Variants in TULP2 observed in about 807,000 individuals in gnomAD.
TULP2 encodes the protein TUB like protein 2, also known as tubby-related protein 2.
Under a neutral mutation model 60.3 loss-of-function variants are expected in TULP2, and 64 were observed. The ratio of observed to expected loss-of-function variants is 1.06; its 90% CI spans 0.87 to 1.31. The LOEUF (loss-of-function observed/expected upper bound fraction) is 1.31. TULP2 is among the 50% of genes most tolerant of loss of function. TULP2 has a pLI of 0.00. For missense variants in TULP2, 652 were observed against 667.0 expected (o/e 0.98, Z 0.25); for synonymous variants, 267 against 265.4 (o/e 1.01, Z -0.06).
chr19:48,897,252 G>T lies in TULP2; in HGVS notation c.84+93C>A. On this transcript the variant is annotated intron_variant, in intron 3 of 12. Transcript: ENST00000221399. This position sits in a 1 kb window ranked among gnomAD's most constrained non-coding sequence, Gnocchi z 4.0. ...CAAGGATGAGAGACAGCCAACACGG[G>T]CTGGGAGTCCTAGAGCAAGACCTGG... is the stretch of plus-strand genomic sequence containing the variant. 1 of 1,375,944 alleles carries T rather than the reference G, an allele frequency of 7.3e-7. No homozygotes were observed. Among genetic ancestry groups the T allele is most frequent in the Non-Finnish European group, 1.0e-6 (1 of 979,102 alleles). 85.2% of individuals were successfully genotyped at this position (1,375,944 alleles called of 1,614,324 possible). A position where few individuals can be genotyped will look rare whatever the true frequency, so the allele number is the denominator to read the frequency against.
chr19:48,896,612 G>A, intron 3 of TULP2, 56 bp from the exon 4 acceptor site: 1 of 1,525,454 alleles, frequency 6.6e-7, no homozygotes, highest in Non-Finnish European at 8.8e-7. Context: ...GAAGACAGAA[G>A]TGAGGTGGGG....
At chr19:48,891,657 G>A (rs1438696843) in intron 6 of TULP2, among the ~76,000 whole-genome samples, 3 of 152,168 alleles carry the variant, frequency 2.0e-5, no homozygotes, top group Non-Finnish European at 2.9e-5. Flanking sequence ...AGGTGGAGAC[G>A]AGCGGCTGAG....
intron 9 of TULP2, 93 bp from the exon 10 acceptor site, chr19:48,884,139 CTA>C: frequency 9.7e-7 from 1 of 1,032,752 alleles, no homozygotes; most frequent in Non-Finnish European, 1.5e-6. Context: ...CATCAATCCC[CTA>C]TGTCTAAGAC....
At chr19:48,892,341 T>C (rs2037240635) in intron 6 of TULP2, among the ~76,000 whole-genome samples, 1 of 152,202 alleles carries the variant, frequency 6.6e-6, no homozygotes, top group African/African-American at 2.4e-5. Context: ...AGAATGGCAA[T>C]GACTTTCACA....
Position 48,888,218 on chromosome 19 carries a change from C to A in TULP2, c.680G>T (p.Gly227Val). Residue 227 changes from glycine (G) to valine (V), a missense_variant, in exon 8 of 13, where the codon GGG becomes GTG. Physicochemically the swap from Gly to Val is moderately radical, Grantham distance 109. Transcript: ENST00000221399. ...EKKREASEST[G>V]TNSSAAHNEE... is the part of the protein sequence containing the mutation. ...GTTGTGTGCTGCTGAGGAGTTCGTC[C>A]CTGTAGACTCAGAGGCCTCTCTCTT... is the stretch of plus-strand genomic sequence containing the variant. The A allele has an allele frequency of 1.2e-6, 2 of 1,607,204 alleles. No individual in the cohort carries two copies. The highest frequency in any genetic ancestry group is 1.7e-6 in the Non-Finnish European group (2 of 1,174,390).
At chr19:48,887,755 A>C (rs1189730626) in intron 8 of TULP2, among the ~76,000 whole-genome samples, 195 bp downstream of exon 8, 1 of 151,844 alleles carries the variant, frequency 6.6e-6, no homozygotes, top group African/African-American at 2.4e-5. Flanking sequence ...ACGGGGTTTC[A>C]CCATATTGGT....
rs778342397 is a variant in TULP2 at position 48,895,465 on chromosome 19, C to T, written c.250G>A (p.Ala84Thr). The T allele has an allele frequency of 1.9e-6, 3 of 1,611,818 alleles. 1 individual carries two copies. In the South Asian group the frequency reaches 3.3e-5, roughly 18 times the overall value. Reference protein sequence around the residue: ...NPFLRKKVSEAHLPSGIHSAL... With the variant: ...NPFLRKKVSETHLPSGIHSAL... ...CTGTGGATGCCAGAGGGCAGATGTG[C>T]CTCTGACACTTTCTTCCGGAGGAAA... Residue 84 changes from alanine to threonine, a missense_variant, in exon 5 of 13, where the codon GCA (alanine) becomes ACA (threonine). Ala to Thr is a moderately conservative substitution (Grantham distance 58). Transcript: ENST00000221399.
rs148112100 is a variant in TULP2 at position 48,889,558 on chromosome 19, G to A, written c.588C>T (p.Asn196=). The A allele has an allele frequency of 1.0e-4, 165 of 1,586,896 alleles. No individual in the cohort carries two copies. Among genetic ancestry groups the A allele is most frequent in the Non-Finnish European group, 1.4e-4 (161 of 1,158,092 alleles). The part of the protein sequence containing the change: ...DAHKSPNMGP[N]PGMDGDCVYE... Reference sequence around the variant, plus strand: ...ATACACAGTCACCATCCATTCCAGGGTTTGGTCCCATATTGGGTGACTTGT... The same window carrying A: ...ATACACAGTCACCATCCATTCCAGGATTTGGTCCCATATTGGGTGACTTGT... The change falls in exon 7 of 13, where the codon AAC becomes AAT. Residue 196 remains asparagine, a synonymous_variant. Transcript: ENST00000221399.
chr19:48,895,420 A>AGCTC lies in TULP2; in HGVS notation c.291_294dup (p.Cys99GlufsTer58), dbSNP rs1198177585. 6.2e-7 allele frequency: 1 copy of AGCTC among 1,613,864 alleles called. No homozygotes were observed. The highest frequency in any genetic ancestry group is 1.7e-5 in the Admixed American group (1 of 60,004). ...CGCTCGCCCCTGCCGTCTCCACCAC[A>AGCTC]GCTCACGGTGCCCAGGGCACTGTGG... On this transcript the variant is annotated frameshift_variant, in exon 5 of 13. Transcript: ENST00000221399. LOFTEE classifies it high-confidence loss of function.
intron 9 of TULP2, among the ~76,000 whole-genome samples, chr19:48,884,477 T>A (rs563848132): frequency 4.1e-5 from 6 of 147,486 alleles, no homozygotes; most frequent in East Asian, 4.2e-4. Flanking sequence ...AAATAAATAA[T>A]TAAATAAATG....
chr19:48,897,905 C>T lies in TULP2; in HGVS notation c.-1-36G>A. 6.2e-7 allele frequency: 1 copy of T among 1,601,034 alleles called. No homozygotes were observed. Among genetic ancestry groups the T allele is most frequent in the Non-Finnish European group, 8.5e-7 (1 of 1,172,182 alleles). On this transcript the variant is annotated intron_variant, in intron 1 of 12. Transcript: ENST00000221399. The surrounding 1 kb of genome is among the most constrained non-coding windows in gnomAD (Gnocchi z 4.0). ...AAGAATGAGGAGTCAGGATCAGAAC[C>T]AACATCCCAATGGATCCTGCCCACC...
At chr19:48,888,874 G>A (rs770601199) in intron 7 of TULP2, among the ~76,000 whole-genome samples, 9 of 151,352 alleles carry the variant, frequency 5.9e-5, no homozygotes, top group Admixed American at 1.3e-4. Context: ...TGCCTGCCTC[G>A]GCCTTCCAAA....
intron 4 of TULP2, 47 bp from the exon 5 acceptor site, chr19:48,895,550 G>A (rs753472212): frequency 4.5e-6 from 7 of 1,568,626 alleles, no homozygotes; most frequent in Non-Finnish European, 6.1e-6. Context: ...ACAAATTCCG[G>A]TCCTCAACCA....
At chr19:48,888,853 C>T (rs566127561) in intron 7 of TULP2, among the ~76,000 whole-genome samples, 28 of 152,258 alleles carry the variant, frequency 1.8e-4, no homozygotes, top group African/African-American at 6.3e-4. Context: ...AACTCCTGAC[C>T]TCAGGTGATC....
In TULP2 at chr19:48,890,875, G is replaced by A. The variant is rs35673841; in HGVS notation, c.515-1244C>T. On this transcript the variant is annotated intron_variant, in intron 6 of 12. Coordinates refer to ENST00000221399, the MANE Select transcript of TULP2 (RefSeq NM_003323.3). ...ACAAAGCATCACAGAGACTGAAGAT[G>A]GGGGGATGGAGTTTGGGGTGATAAT... Among the ~76,000 whole-genome samples the A allele has an allele frequency of 5.6e-3, 848 of 152,224 alleles. 10 individuals are homozygous for A. In the Middle Eastern group the frequency reaches 0.058, roughly 10 times the overall value.
Position 48,888,177 on chromosome 19 carries a change from C to A in TULP2, c.721G>T (p.Ala241Ser), listed in dbSNP as rs909229283. The A allele has an allele frequency of 6.2e-7, 1 of 1,614,182 alleles. No individual in the cohort carries two copies. Among genetic ancestry groups the A allele is most frequent in the Non-Finnish European group, 8.5e-7 (1 of 1,180,038 alleles). Reference sequence around the variant, plus strand: ...TCCGTGCCACCCTCGCCTTTCAGGGCCTTGGACAACTCTTCGTTGTGTGCT... The same window carrying A: ...TCCGTGCCACCCTCGCCTTTCAGGGACTTGGACAACTCTTCGTTGTGTGCT... ...SAAHNEELSKALKGEGGTDSD... is the reference protein window; with the variant it reads ...SAAHNEELSKSLKGEGGTDSD... The change falls in exon 8 of 13, where the codon GCC (alanine) becomes TCC (serine). Residue 241 changes from alanine (A) to serine (S), a missense_variant. Physicochemically the swap from Ala to Ser is moderately conservative, Grantham distance 99. Coordinates refer to ENST00000221399, the MANE Select transcript of TULP2 (RefSeq NM_003323.3).
rs1255992213 is a variant in TULP2 at position 48,888,220 on chromosome 19, T to G, written c.678A>C (p.Thr226=). ...LEKKREASES[T]GTNSSAAHNE... ...TGTGTGCTGCTGAGGAGTTCGTCCC[T>G]GTAGACTCAGAGGCCTCTCTCTTCT... The change falls in exon 8 of 13, where the codon ACA becomes ACC. Residue 226 remains threonine (T), a synonymous_variant. Coordinates refer to ENST00000221399, the MANE Select transcript of TULP2 (RefSeq NM_003323.3). 5.0e-6 allele frequency: 8 copies of G among 1,606,906 alleles called. No individual in the cohort carries two copies. The highest frequency in any genetic ancestry group is 6.8e-6 in the Non-Finnish European group (8 of 1,174,136).
chr19:48,893,883 C>T (rs540032402), intron 6 of TULP2, among the ~76,000 whole-genome samples: 1 of 152,106 alleles, frequency 6.6e-6, no homozygotes, highest in East Asian at 1.9e-4. Flanking sequence ...TGGGGTGATA[C>T]AAATGTTCTA....
intron 6 of TULP2, among the ~76,000 whole-genome samples, chr19:48,890,628 C>CTCAG (rs1480950949): frequency 6.6e-6 from 1 of 152,176 alleles, no homozygotes; most frequent in Non-Finnish European, 1.5e-5. Context: ...CTGGACTAAG[C>CTCAG]TCAGGACAGC....
Sources: allele counts gnomAD v4.1 joint callset (sites outside exome capture counted in the v4.1 genomes callset), GRCh38; gene constraint gnomAD v4.1.1; non-coding constraint Gnocchi (gnomAD v3.1); transcripts MANE v1.5; gene names NCBI Gene and HGNC (gene_info 2026-07-23, HGNC 2026-07-21).